The following TRIQK variants were observed in gnomAD, a reference collection of about 807,000 sequenced individuals.
TRIQK encodes the protein triple QxxK/R motif-containing protein.
In TRIQK, 10 loss-of-function variants were observed where a neutral mutation model predicts 10.8. That is an observed-to-expected ratio of 0.92 (90% CI 0.57 to 1.57). The LOEUF (loss-of-function observed/expected upper bound fraction) is 1.57, where lower values mean the gene tolerates loss of function less well. Among genes scored for constraint, TRIQK ranks in the 40% most tolerant of loss-of-function variants. The probability of loss-of-function intolerance (pLI) is 0.00; values close to 1 mark genes in which losing one functional copy is unlikely to be tolerated. For missense variants in TRIQK, 107 were observed against 97.7 expected (o/e 1.09, Z -0.40); for synonymous variants, 33 against 33.7 (o/e 0.98, Z 0.07).
chr8:92,945,898 A>T (rs1166182431), intron 2 of TRIQK, among the ~76,000 whole-genome samples: 1 of 152,028 alleles, frequency 6.6e-6, no homozygotes, highest in Non-Finnish European at 1.5e-5. Context: ...AAAGAAAAAT[A>T]TATATCTTAA....
At chr8:92,948,931 A>C (rs1429639671) in intron 2 of TRIQK, among the ~76,000 whole-genome samples, 1 of 152,234 alleles carries the variant, frequency 6.6e-6, no homozygotes, top group Non-Finnish European at 1.5e-5. Flanking sequence ...TTCCATGTGT[A>C]AACAGACTGC....
intron 3 of TRIQK, among the ~76,000 whole-genome samples, chr8:92,901,766 G>A (rs892523365): frequency 3.3e-5 from 5 of 152,030 alleles, no homozygotes; most frequent in Admixed American, 3.3e-4. Context: ...TGTAAAATGA[G>A]TTTGAAAGTA....
At chr8:92,911,076 A>T (rs1809542084) in intron 3 of TRIQK, among the ~76,000 whole-genome samples, 1 of 151,500 alleles carries the variant, frequency 6.6e-6, no homozygotes, top group African/African-American at 2.4e-5. Context: ...AACTGATATC[A>T]TACACAAAAC....
intron 1 of TRIQK, among the ~76,000 whole-genome samples, chr8:92,975,739 G>A (rs1812923552): frequency 6.6e-6 from 1 of 150,758 alleles, no homozygotes; most frequent in Admixed American, 6.6e-5. Flanking sequence ...TCTTGTTTTA[G>A]TTACTTTAGA....
intron 1 of TRIQK, among the ~76,000 whole-genome samples, chr8:92,995,985 T>C (rs1233790357): frequency 6.6e-6 from 1 of 152,102 alleles, no homozygotes; most frequent in African/African-American, 2.4e-5. Flanking sequence ...GATATGTAAC[T>C]ACCAACTGTC....
intron 2 of TRIQK, among the ~76,000 whole-genome samples, chr8:92,933,595 T>C (rs767350423): frequency 4.6e-5 from 7 of 151,980 alleles, no homozygotes; most frequent in African/African-American, 9.7e-5. Flanking sequence ...GCAAAATGGG[T>C]AGATAAAAGA....
chr8:92,984,416 A>G lies in TRIQK; in HGVS notation c.-180-29852T>C, dbSNP rs960283593. On this transcript the variant is annotated intron_variant, in intron 1 of 4. Coordinates refer to the TRIQK transcript ENST00000520686. The stretch of plus-strand genomic sequence containing the variant: ...AAGATTCAGATTATGTCAAGGGGGA[A>G]AAAAGTGTTTCTAGAGGTCAAGTTG... Among the ~76,000 whole-genome samples the G allele has an allele frequency of 9.2e-5, 14 of 152,070 alleles. 1 individual carries two copies. Among genetic ancestry groups the G allele is most frequent in the Middle Eastern group, 3.2e-3 (1 of 316 alleles).
intron 1 of TRIQK, among the ~76,000 whole-genome samples, chr8:92,980,539 A>G (rs941365924): frequency 2.6e-5 from 4 of 152,022 alleles, no homozygotes; most frequent in African/African-American, 9.7e-5. Context: ...AGAACTCACT[A>G]TCTGGGTAAA....
intron 2 of TRIQK, among the ~76,000 whole-genome samples, chr8:92,945,799 A>G (rs1335696763): frequency 6.6e-6 from 1 of 152,222 alleles, no homozygotes; most frequent in Non-Finnish European, 1.5e-5. Flanking sequence ...ACAGTTAATT[A>G]TCAATTAAGT....
chr8:93,011,053 C>T (rs1477041084), intron 1 of TRIQK, among the ~76,000 whole-genome samples: 1 of 151,966 alleles, frequency 6.6e-6, no homozygotes, highest in Non-Finnish European at 1.5e-5. Context: ...AATGGTGATA[C>T]TTATGAAAAT....
intron 3 of TRIQK, among the ~76,000 whole-genome samples, chr8:92,910,579 C>T (rs958804179): frequency 1.3e-5 from 2 of 150,194 alleles, no homozygotes; most frequent in Admixed American, 6.6e-5. Context: ...GATTCTCCAC[C>T]TATATTAAAA....
chr8:92,995,834 C>T (rs1813147275), intron 1 of TRIQK, among the ~76,000 whole-genome samples: 1 of 152,166 alleles, frequency 6.6e-6, no homozygotes, highest in African/African-American at 2.4e-5. Flanking sequence ...TGCTTCATTC[C>T]TTTAGCATTA....
At chr8:92,990,475 A>C (rs952383497) in intron 1 of TRIQK, among the ~76,000 whole-genome samples, 13 of 152,114 alleles carry the variant, frequency 8.5e-5, no homozygotes, top group Middle Eastern at 3.2e-3. Flanking sequence ...ATGGCCCAAT[A>C]GGAAGAGCTC....
intron 2 of TRIQK, among the ~76,000 whole-genome samples, chr8:92,917,592 C>T (rs999053073): frequency 6.6e-6 from 1 of 151,774 alleles, no homozygotes; most frequent in Non-Finnish European, 1.5e-5. Flanking sequence ...TTTAATCTAC[C>T]TATTTTTATT....
At chr8:92,927,648 G>A (rs568447659) in intron 2 of TRIQK, among the ~76,000 whole-genome samples, 1 of 152,104 alleles carries the variant, frequency 6.6e-6, no homozygotes, top group African/African-American at 2.4e-5. Flanking sequence ...TGAAAGACCA[G>A]GATAATGCAT....
intron 1 of TRIQK, among the ~76,000 whole-genome samples, chr8:92,971,855 A>G (rs1440195796): frequency 6.6e-6 from 1 of 152,228 alleles, no homozygotes; most frequent in Non-Finnish European, 1.5e-5. Context: ...TCCTAAATAA[A>G]AAGAACAGAG....
intron 1 of TRIQK, among the ~76,000 whole-genome samples, chr8:92,984,104 T>C (rs1277504596): frequency 6.6e-6 from 1 of 152,082 alleles, no homozygotes; most frequent in East Asian, 1.9e-4. Context: ...TGAGAGGCAT[T>C]ATTTTTGCTA....
chr8:92,970,593 A>G (rs1812864762), upstream of TRIQK, among the ~76,000 whole-genome samples: 1 of 152,126 alleles, frequency 6.6e-6, no homozygotes, highest in Admixed American at 6.5e-5. Flanking sequence ...GGCCACATAG[A>G]TGTCTTCTTT....
intron 1 of TRIQK, among the ~76,000 whole-genome samples, chr8:92,957,247 T>C (rs937209076): frequency 6.6e-6 from 1 of 151,818 alleles, no homozygotes; most frequent in Non-Finnish European, 1.5e-5. Context: ...CATATATACA[T>C]ATATGTAAGT....
Sources: allele counts gnomAD v4.1 joint callset (sites outside exome capture counted in the v4.1 genomes callset), GRCh38; gene constraint gnomAD v4.1.1; transcripts MANE v1.5; gene names NCBI Gene and HGNC (gene_info 2026-07-23, HGNC 2026-07-21).